Variants in SLC4A4 observed in about 807,000 individuals in gnomAD.
SLC4A4 encodes the protein electrogenic sodium bicarbonate cotransporter 1.
A neutral mutation model predicts 111.5 loss-of-function variants in SLC4A4; 27 were observed. The observed-to-expected ratio is 0.24, with a 90% confidence interval of 0.18 to 0.33. SLC4A4 has a LOEUF of 0.33. Among genes scored for constraint, SLC4A4 ranks in the 10% least tolerant of loss-of-function variants. SLC4A4 has a pLI of 1.00. For missense variants in SLC4A4, 909 were observed against 1,315.5 expected (o/e 0.69, Z 4.78); for synonymous variants, 443 against 463.4 (o/e 0.96, Z 0.57).
chr4:71,343,849 C>G (rs1035890887), intron 4 of SLC4A4, among the ~76,000 whole-genome samples: 1 of 152,058 alleles, frequency 6.6e-6, no homozygotes, highest in African/African-American at 2.4e-5. Flanking sequence ...GCCTCACTGG[C>G]CAGTCATGCT....
intron 3 of SLC4A4, among the ~76,000 whole-genome samples, chr4:71,257,806 C>G (rs1721569261): frequency 1.3e-5 from 2 of 152,180 alleles, no homozygotes; most frequent in African/African-American, 4.8e-5. Flanking sequence ...AACCAAAAAG[C>G]CCACATATAA....
intron 2 of SLC4A4, among the ~76,000 whole-genome samples, chr4:71,148,402 T>A (rs955270181): frequency 6.6e-6 from 1 of 152,216 alleles, no homozygotes; most frequent in Non-Finnish European, 1.5e-5. Flanking sequence ...TTTCTTTTTT[T>A]AATTTAACTT....
At chr4:71,540,647 C>T (rs760485599) in intron 18 of SLC4A4, among the ~76,000 whole-genome samples, 1 of 152,164 alleles carries the variant, frequency 6.6e-6, no homozygotes, top group Non-Finnish European at 1.5e-5. Context: ...TGGATTTTCC[C>T]TATTCACCAC....
At chr4:71,556,965 C>T (rs1352562535) in intron 21 of SLC4A4, among the ~76,000 whole-genome samples, 1 of 151,936 alleles carries the variant, frequency 6.6e-6, no homozygotes, top group Admixed American at 6.6e-5. Context: ...TCTTCCCATT[C>T]GTCACTGGCA....
intron 3 of SLC4A4, among the ~76,000 whole-genome samples, chr4:71,285,756 C>G (rs533313022): frequency 6.6e-6 from 1 of 152,224 alleles, no homozygotes; most frequent in Admixed American, 6.5e-5. Context: ...TTTGGCTACT[C>G]TATTTCAAAG....
intron 2 of SLC4A4, among the ~76,000 whole-genome samples, chr4:71,138,062 G>A (rs1467621441): frequency 6.6e-6 from 1 of 152,168 alleles, no homozygotes; most frequent in African/African-American, 2.4e-5. Context: ...ATATTTAACA[G>A]TGTCATAGCA....
intron 16 of SLC4A4, among the ~76,000 whole-genome samples, chr4:71,498,347 G>A (rs1476149545): frequency 6.6e-6 from 1 of 152,060 alleles, no homozygotes. Flanking sequence ...TTAGTTAATG[G>A]CATTTTGGTT....
At chr4:71,086,554 C>T (rs1197494069) in intron 1 of SLC4A4, among the ~76,000 whole-genome samples, 1 of 151,868 alleles carries the variant, frequency 6.6e-6, no homozygotes, top group African/African-American at 2.4e-5. Flanking sequence ...TCATAGATAG[C>T]TCTTATTATT....
chr4:71,377,782 A>G (rs1405854360), intron 6 of SLC4A4, among the ~76,000 whole-genome samples: 3 of 152,174 alleles, frequency 2.0e-5, no homozygotes, highest in Non-Finnish European at 4.4e-5. Context: ...CACAGAAATA[A>G]TACATCATGT....
intron 2 of SLC4A4, among the ~76,000 whole-genome samples, chr4:71,128,523 C>G (rs1221092734): frequency 2.6e-5 from 4 of 152,114 alleles, no homozygotes; most frequent in Non-Finnish European, 5.9e-5. Context: ...GGGTCTCACT[C>G]TGTTGCCCAG....
intron 16 of SLC4A4, 38 bp downstream of exon 16, chr4:71,497,730 A>G: frequency 6.6e-7 from 1 of 1,512,204 alleles, no homozygotes; most frequent in Non-Finnish European, 9.2e-7. Context: ...CATTGGATTT[A>G]CACTGTATCA....
intron 3 of SLC4A4, among the ~76,000 whole-genome samples, chr4:71,293,293 G>T (rs919677569): frequency 4.6e-5 from 7 of 150,580 alleles, no homozygotes; most frequent in Non-Finnish European, 1.0e-4. Flanking sequence ...GCTGGGTGCG[G>T]TGGCTCACGC....
At chr4:71,407,781 G>T (rs915151421) in intron 7 of SLC4A4, among the ~76,000 whole-genome samples, 1 of 144,502 alleles carries the variant, frequency 6.9e-6, no homozygotes, top group Non-Finnish European at 1.5e-5. Context: ...ACATTTCAAT[G>T]TTTTTTTTTT....
chr4:71,348,089 A>G (rs771414119), intron 4 of SLC4A4, among the ~76,000 whole-genome samples: 6 of 152,176 alleles, frequency 3.9e-5, no homozygotes, highest in Non-Finnish European at 2.9e-5. Flanking sequence ...TAGCGATTCT[A>G]TGAGCAAGCA....
intron 3 of SLC4A4, among the ~76,000 whole-genome samples, chr4:71,279,368 A>G (rs1560841483): frequency 6.6e-6 from 1 of 152,130 alleles, no homozygotes; most frequent in Non-Finnish European, 1.5e-5. Flanking sequence ...GGCTTATTCC[A>G]CTAAACATAA....
At chr4:71,133,224 T>C (rs1030950635) in intron 2 of SLC4A4, among the ~76,000 whole-genome samples, 1 of 152,228 alleles carries the variant, frequency 6.6e-6, no homozygotes, top group Non-Finnish European at 1.5e-5. Flanking sequence ...TTAAGACATC[T>C]TCTTAAGGTC....
intron 4 of SLC4A4, among the ~76,000 whole-genome samples, chr4:71,342,485 T>TTTA (rs1728973173): frequency 6.6e-6 from 1 of 152,192 alleles, no homozygotes; most frequent in Non-Finnish European, 1.5e-5. Flanking sequence ...GAATTTCTTT[T>TTTA]TTATCAGATG....
chr4:71,520,015 T>C (rs377161260), intron 16 of SLC4A4, among the ~76,000 whole-genome samples: 12 of 152,352 alleles, frequency 7.9e-5, no homozygotes, highest in African/African-American at 2.6e-4. Flanking sequence ...TTTTAAAATG[T>C]GGTTTCTGTA....
At chr4:71,384,225 G>A (rs2148955492) in intron 6 of SLC4A4, among the ~76,000 whole-genome samples, 1 of 152,256 alleles carries the variant, frequency 6.6e-6, no homozygotes. Context: ...CTCTCCAAGG[G>A]GGAGAAAATG....
Sources: gnomAD v4.1 joint callset for allele counts (sites outside exome capture counted in the v4.1 genomes callset) on GRCh38, gnomAD v4.1.1 for gene constraint, MANE v1.5 for transcripts, NCBI Gene and HGNC (gene_info 2026-07-23, HGNC 2026-07-21) for gene names.